Variants in ARHGAP44 observed in about 807,000 individuals in gnomAD.
ARHGAP44 encodes the protein rho GTPase-activating protein 44.
In ARHGAP44, 43 loss-of-function variants were observed where a neutral mutation model predicts 106.8. That is an observed-to-expected ratio of 0.40 (90% CI 0.32 to 0.52). The LOEUF (loss-of-function observed/expected upper bound fraction) is 0.52, where lower values mean the gene tolerates loss of function less well. Ranked by LOEUF, ARHGAP44 falls within the 20% of genes least tolerant of loss-of-function variation. ARHGAP44 has a pLI of 0.48. For synonymous variants in ARHGAP44, 439 were observed against 410.3 expected, an observed-to-expected ratio of 1.07 and a Z score of -0.85; for missense variants, 866 against 1,050.5, an observed-to-expected ratio of 0.82 and a Z score of 2.43.
chr17:12,914,735 G>A (rs144961690), intron 4 of ARHGAP44, among the ~76,000 whole-genome samples: 10 of 150,182 alleles, frequency 6.7e-5, no homozygotes, highest in African/African-American at 2.0e-4. Flanking sequence ...GGCGGAGGTT[G>A]CAGTGAGCCA....
intron 7 of ARHGAP44, among the ~76,000 whole-genome samples, chr17:12,932,645 T>G (rs995609348): frequency 1.3e-5 from 2 of 152,138 alleles, no homozygotes; most frequent in Non-Finnish European, 2.9e-5. Context: ...TACACCTATT[T>G]TATATACTTT....
chr17:12,800,539 T>G (rs529648802), intron 1 of ARHGAP44, among the ~76,000 whole-genome samples: 33 of 152,268 alleles, frequency 2.2e-4, no homozygotes, highest in Non-Finnish European at 4.3e-4. Context: ...AGAAGTTATA[T>G]CCTGGCTCTG....
At chr17:12,821,264 CA>C (rs1567631400) in intron 1 of ARHGAP44, among the ~76,000 whole-genome samples, 3 of 152,148 alleles carry the variant, frequency 2.0e-5, no homozygotes. Context: ...GTGTTGTCTT[CA>C]GGTGTTTCCA....
chr17:12,793,084 G>A (rs1022825833), intron 1 of ARHGAP44, among the ~76,000 whole-genome samples: 1 of 152,164 alleles, frequency 6.6e-6, no homozygotes, highest in Non-Finnish European at 1.5e-5. Context: ...GACAGGTTTA[G>A]TTTGTTGCTG....
chr17:12,918,634 C>T (rs1211788095), intron 5 of ARHGAP44, among the ~76,000 whole-genome samples: 2 of 152,156 alleles, frequency 1.3e-5, no homozygotes, highest in Non-Finnish European at 2.9e-5. Flanking sequence ...TAAATATAAA[C>T]ATTTGCTTCC....
At chr17:12,817,920 TGACAGTTGTACCAAACA>T (rs1419066457) in intron 1 of ARHGAP44, among the ~76,000 whole-genome samples, 2 of 152,002 alleles carry the variant, frequency 1.3e-5, no homozygotes, top group African/African-American at 4.8e-5. Context: ...GTATTTTCAC[TGACAGTTGTACCAAACA>T]TTTGAGGGAA....
intron 1 of ARHGAP44, among the ~76,000 whole-genome samples, chr17:12,891,730 T>A (rs1158265847): frequency 6.6e-6 from 1 of 152,150 alleles, no homozygotes; most frequent in African/African-American, 2.4e-5. Context: ...TATCATTATT[T>A]TACCGGTTTA....
In ARHGAP44 at chr17:12,949,822, C is replaced by T. The variant is rs1598104853; in HGVS notation, c.1055+92C>T. On this transcript the variant is annotated intron_variant, in intron 12 of 20. Coordinates refer to ENST00000379672, the MANE Select transcript of ARHGAP44 (RefSeq NM_014859.6). This position sits in a 1 kb window ranked among gnomAD's most constrained non-coding sequence, Gnocchi z 4.1. ...TAGAAGCATGTAACCTATGATCTCG[C>T]AACCCCGTTTCTTGATCTCTGCCAT... 1 of 1,272,634 alleles carries T rather than the reference C, an allele frequency of 7.9e-7. No homozygotes were observed. Among genetic ancestry groups the T allele is most frequent in the East Asian group, 2.3e-5 (1 of 42,760 alleles). 78.8% of individuals were successfully genotyped at this position (1,272,634 alleles called of 1,614,324 possible).
At chr17:12,907,202 A>C (rs1475529692) in intron 3 of ARHGAP44, among the ~76,000 whole-genome samples, 1 of 152,204 alleles carries the variant, frequency 6.6e-6, no homozygotes, top group East Asian at 1.9e-4. Context: ...AAGACCTGAG[A>C]AGGTGCTAGT....
chr17:12,820,574 A>G (rs570255505), intron 1 of ARHGAP44, among the ~76,000 whole-genome samples: 1 of 152,236 alleles, frequency 6.6e-6, no homozygotes, highest in Admixed American at 6.5e-5. Context: ...AATGAAGAAG[A>G]TGGATCTTGT....
chr17:12,820,394 A>G lies in ARHGAP44; in HGVS notation c.53+30503A>G, dbSNP rs558951975. Among the ~76,000 whole-genome samples, 180 of 152,266 alleles carry G rather than the reference A, an allele frequency of 1.2e-3. 5 individuals carry two copies. In the South Asian group the frequency reaches 0.036, roughly 30 times the overall value. On this transcript the variant is annotated intron_variant, in intron 1 of 20. Coordinates refer to ENST00000379672, the MANE Select transcript of ARHGAP44 (RefSeq NM_014859.6). ...CACAATTTTTAAAACTTCAACTAAA[A>G]AAGTGAAAAAGAAAAAAAATTACCA...
chr17:12,948,818 A>G (rs2038925083), intron 10 of ARHGAP44, among the ~76,000 whole-genome samples: 1 of 150,572 alleles, frequency 6.6e-6, no homozygotes, highest in Non-Finnish European at 1.5e-5. Flanking sequence ...CTTCTCCAAG[A>G]TTTATCTTAC....
chr17:12,837,353 G>A (rs912005247), intron 1 of ARHGAP44, among the ~76,000 whole-genome samples: 1 of 152,110 alleles, frequency 6.6e-6, no homozygotes. Context: ...CACATTGTAT[G>A]CCTGTATGAG....
intron 1 of ARHGAP44, among the ~76,000 whole-genome samples, chr17:12,791,070 C>T (rs2033739842): frequency 6.6e-6 from 1 of 152,110 alleles, no homozygotes; most frequent in Non-Finnish European, 1.5e-5. Flanking sequence ...GAATAGGGGA[C>T]ATCTGAACTC....
At chr17:12,858,103 T>G (rs774764508) in intron 1 of ARHGAP44, among the ~76,000 whole-genome samples, 2 of 152,214 alleles carry the variant, frequency 1.3e-5, no homozygotes, top group South Asian at 4.1e-4. Flanking sequence ...CTAAGTCTTA[T>G]GCCAAGTCTG....
chr17:12,987,021 CTTTTTT>C (rs3076704), intron 20 of ARHGAP44: 57 of 926,050 alleles, frequency 6.2e-5, no homozygotes, highest in South Asian at 1.0e-4. Context: ...ATTGGCATAG[CTTTTTT>C]TTTTTTTTTT....
intron 3 of ARHGAP44, among the ~76,000 whole-genome samples, chr17:12,901,583 C>A (rs1484671926): frequency 2.0e-5 from 3 of 151,964 alleles, no homozygotes; most frequent in African/African-American, 7.3e-5. Context: ...GGCTTGGTAA[C>A]TGAGTGGATG....
Position 12,789,821 on chromosome 17 carries a change from C to G in ARHGAP44, c.-18C>G, listed in dbSNP as rs775088504. 2.9e-5 allele frequency: 43 copies of G among 1,501,954 alleles called. No homozygotes were observed. The highest frequency in any genetic ancestry group is 3.5e-6 in the Non-Finnish European group (4 of 1,127,066). 93.0% of individuals were successfully genotyped at this position (1,501,954 alleles called of 1,614,324 possible). A position where few individuals can be genotyped will look rare whatever the true frequency, so the allele number is the denominator to read the frequency against. ...CGTCCTTCCCCAGCTCCCGGGCTAG[C>G]GCGGCAGCGGGGCCACGATGAAGAA... On this transcript the variant is annotated 5_prime_UTR_variant, in exon 1 of 21. Coordinates refer to ENST00000379672, the MANE Select transcript of ARHGAP44 (RefSeq NM_014859.6).
At chr17:12,804,537 T>G (rs2034215883) in intron 1 of ARHGAP44, among the ~76,000 whole-genome samples, 1 of 152,222 alleles carries the variant, frequency 6.6e-6, no homozygotes, top group Non-Finnish European at 1.5e-5. Flanking sequence ...CACTATCCAC[T>G]GTGACTTGGT....
Sources: gnomAD v4.1 joint callset for allele counts (sites outside exome capture counted in the v4.1 genomes callset) on GRCh38, gnomAD v4.1.1 for gene constraint, Gnocchi (gnomAD v3.1) non-coding constraint, MANE v1.5 for transcripts, NCBI Gene and HGNC (gene_info 2026-07-23, HGNC 2026-07-21) for gene names.